UNC5C: variants seen among roughly 807,000 people sequenced by gnomAD.
UNC5C encodes the protein unc-5 netrin receptor C.
A neutral mutation model predicts 99.8 loss-of-function variants in UNC5C; 47 were observed. That is an observed-to-expected ratio of 0.47 (90% CI 0.37 to 0.60). UNC5C has a LOEUF of 0.60. Among genes scored for constraint, UNC5C ranks in the 20% least tolerant of loss-of-function variants. UNC5C has a pLI of 0.00. For missense variants in UNC5C, 1,062 were observed against 1,165.9 expected (o/e 0.91, Z 1.30); for synonymous variants, 487 against 452.2 (o/e 1.08, Z -0.98).
At chr4:95,463,401 G>T (rs977394383) in intron 1 of UNC5C, among the ~76,000 whole-genome samples, 2 of 152,108 alleles carry the variant, frequency 1.3e-5, no homozygotes, top group Non-Finnish European at 2.9e-5. Context: ...GCCCAACCAT[G>T]CCATGAATGG....
intron 4 of UNC5C, among the ~76,000 whole-genome samples, chr4:95,277,922 C>A (rs941867159): frequency 6.6e-6 from 1 of 152,138 alleles, no homozygotes; most frequent in African/African-American, 2.4e-5. Context: ...CGCATATCAG[C>A]AAGAACAATA....
At chr4:95,364,624 G>T (rs774373602) in intron 1 of UNC5C, among the ~76,000 whole-genome samples, 1 of 152,168 alleles carries the variant, frequency 6.6e-6, no homozygotes, top group African/African-American at 2.4e-5. Flanking sequence ...AGGCTCAAAG[G>T]CCGGGTGACA....
intron 12 of UNC5C, among the ~76,000 whole-genome samples, chr4:95,191,864 ACC>A (rs1737116937): frequency 1.8e-5 from 1 of 56,450 alleles, no homozygotes; most frequent in Non-Finnish European, 3.4e-5. Context: ...TCCCATGCTC[ACC>A]TCCTCCCCAC....
intron 3 of UNC5C, among the ~76,000 whole-genome samples, chr4:95,285,465 G>A (rs10032231): frequency 0.66 from 100,596 of 152,044 alleles, 34,330 homozygotes; most frequent in African/African-American, 0.84. Flanking sequence ...AAAGCACAAC[G>A]TATGTAATAA....
chr4:95,349,909 T>G (rs1274992367), intron 1 of UNC5C, among the ~76,000 whole-genome samples: 1 of 152,160 alleles, frequency 6.6e-6, no homozygotes, highest in Admixed American at 6.6e-5. Flanking sequence ...CAATATTGGT[T>G]GATCACTTTC....
intron 11 of UNC5C, among the ~76,000 whole-genome samples, chr4:95,203,475 A>G (rs913350122): frequency 6.6e-6 from 1 of 151,866 alleles, no homozygotes; most frequent in Non-Finnish European, 1.5e-5. Flanking sequence ...TTATTTATTT[A>G]ATTTATTAAT....
intron 1 of UNC5C, among the ~76,000 whole-genome samples, chr4:95,424,579 T>C (rs1165630459): frequency 7.2e-6 from 1 of 139,508 alleles, no homozygotes; most frequent in Non-Finnish European, 1.5e-5. Flanking sequence ...TGGAGTGCAG[T>C]GGCGCAATCT....
chr4:95,206,401 A>G (rs1025144018), intron 11 of UNC5C, among the ~76,000 whole-genome samples: 9 of 152,022 alleles, frequency 5.9e-5, no homozygotes, highest in African/African-American at 2.2e-4. Flanking sequence ...TCTTATGTGC[A>G]CCTTTCCTAT....
chr4:95,393,458 A>G (rs928351945), intron 1 of UNC5C, among the ~76,000 whole-genome samples: 3 of 152,202 alleles, frequency 2.0e-5, no homozygotes, highest in Non-Finnish European at 4.4e-5. Flanking sequence ...ACTATGTGTG[A>G]TAAGCCCACT....
chr4:95,510,699 C>T (rs1419844092), intron 1 of UNC5C, among the ~76,000 whole-genome samples: 1 of 152,046 alleles, frequency 6.6e-6, no homozygotes. Context: ...AGTTGTCATA[C>T]AGTAACTTGG....
At chr4:95,409,169 C>T (rs1266771980) in intron 1 of UNC5C, among the ~76,000 whole-genome samples, 1 of 152,192 alleles carries the variant, frequency 6.6e-6, no homozygotes, top group African/African-American at 2.4e-5. Flanking sequence ...TTCCACCTCA[C>T]ACAATCATTA....
At chr4:95,196,730 ATATAT>A (rs543648038) in intron 12 of UNC5C, among the ~76,000 whole-genome samples, 6 of 95,020 alleles carry the variant, frequency 6.3e-5, no homozygotes, top group African/African-American at 9.3e-5. Context: ...ATGTACAAAT[ATATAT>A]TATATTTATG....
rs576999262 is a variant in UNC5C at position 95,363,409 on chromosome 4, A to T, written c.125-27778T>A. ...CATCAGATTAAGTTTTTGGCAAAAC[A>T]AGTGGAGATTTTATGACTCAGAGAT... is the stretch of plus-strand genomic sequence containing the variant. On this transcript the variant is annotated intron_variant, in intron 1 of 15. Transcript: ENST00000453304. Among the ~76,000 whole-genome samples, 32 of 152,308 alleles carry T rather than the reference A, an allele frequency of 2.1e-4. 1 individual carries two copies. In the South Asian group the frequency reaches 6.0e-3, roughly 29 times the overall value.
intron 1 of UNC5C, among the ~76,000 whole-genome samples, chr4:95,349,386 CCACACACACA>C (rs150864607): frequency 8.0e-6 from 1 of 124,336 alleles, no homozygotes; most frequent in Non-Finnish European, 1.8e-5. Context: ...ACACACACAC[CCACACACACA>C]CACACACATT....
Position 95,212,467 on chromosome 4 carries a change from T to A in UNC5C, c.1733+3657A>T, listed in dbSNP as rs1738105913. Reference sequence around the variant, plus strand: ...ATATTCATTGAGGAGCCACTACTCCTAACACAGTAATATGTTAAGTACTGT... The same window carrying A: ...ATATTCATTGAGGAGCCACTACTCCAAACACAGTAATATGTTAAGTACTGT... On this transcript the variant is annotated intron_variant, in intron 10 of 15. Coordinates refer to ENST00000453304, the MANE Select transcript of UNC5C (RefSeq NM_003728.4). 3.9e-5 allele frequency among the ~76,000 whole-genome samples: 6 copies of A among 152,326 alleles called. No individual in the cohort carries two copies. The South Asian group carries it at 1.2e-3, about 32-fold the overall frequency.
At chr4:95,484,454 A>G (rs1014759451) in intron 1 of UNC5C, among the ~76,000 whole-genome samples, 1 of 151,618 alleles carries the variant, frequency 6.6e-6, no homozygotes, top group Non-Finnish European at 1.5e-5. Flanking sequence ...ACCACTGTGT[A>G]GATGGGGTTG....
intron 1 of UNC5C, among the ~76,000 whole-genome samples, chr4:95,545,745 A>G (rs935907601): frequency 6.7e-6 from 1 of 148,990 alleles, no homozygotes; most frequent in Non-Finnish European, 1.5e-5. Flanking sequence ...TCAGAAGCAC[A>G]CTGATCTCAC....
rs140884730 is a variant in UNC5C, at chr4:95,264,913, T to C, written c.594+13346A>G. On this transcript the variant is annotated intron_variant, in intron 4 of 15. Transcript: ENST00000453304. ...CTCTTTCACTGGTCCTTTTATAACA[T>C]CCAGCATTTTCATATAGTCCTTCTC... Among the ~76,000 whole-genome samples, 211 of 152,298 alleles carry C rather than the reference T, an allele frequency of 1.4e-3. 2 individuals carry two copies. Among genetic ancestry groups the C allele is most frequent in the African/African-American group, 4.9e-3 (204 of 41,560 alleles).
At chr4:95,422,942 A>C (rs529864328) in intron 1 of UNC5C, among the ~76,000 whole-genome samples, 1 of 152,316 alleles carries the variant, frequency 6.6e-6, no homozygotes, top group South Asian at 2.1e-4. Flanking sequence ...TATAATACAA[A>C]AATATTAATA....
Sources: gnomAD v4.1 joint callset for allele counts (sites outside exome capture counted in the v4.1 genomes callset) on GRCh38, gnomAD v4.1.1 for gene constraint, MANE v1.5 for transcripts, NCBI Gene and HGNC (gene_info 2026-07-23, HGNC 2026-07-21) for gene names.